The following DIO1 variants were observed in gnomAD, a reference collection of about 807,000 sequenced individuals.
The protein encoded by DIO1 is iodothyronine deiodinase 1.
In DIO1, 17 loss-of-function variants were observed where a neutral mutation model predicts 25.9. The observed-to-expected ratio is 0.66, with a 90% CI of 0.45 to 0.98. The LOEUF is 0.98. Among genes scored for constraint, DIO1 ranks in the 50% least tolerant of loss-of-function variants. The pLI, the probability that DIO1 is intolerant of heterozygous loss-of-function variation, is 0.00. For synonymous variants in DIO1, 115 were observed against 114.0 expected, an observed-to-expected ratio of 1.01 and a Z score of -0.05; for missense variants, 270 against 310.4, an observed-to-expected ratio of 0.87 and a Z score of 0.98.
At chr1:53,900,523 G>A (rs1651304554) in intron 1 of DIO1, among the ~76,000 whole-genome samples, 1 of 152,178 alleles carries the variant, frequency 6.6e-6, no homozygotes, top group Non-Finnish European at 1.5e-5. Flanking sequence ...AGAATTCCTT[G>A]AACTTGGGAG....
chr1:53,907,802 T>C (rs1035839475), intron 3 of DIO1, among the ~76,000 whole-genome samples: 11 of 149,652 alleles, frequency 7.4e-5, no homozygotes, highest in African/African-American at 2.7e-4. Flanking sequence ...TCCCAGCTAC[T>C]TGAGAGGCTG....
chr1:53,900,560 C>T (rs1366771865), intron 1 of DIO1, among the ~76,000 whole-genome samples: 2 of 152,056 alleles, frequency 1.3e-5, no homozygotes, highest in African/African-American at 2.4e-5. Flanking sequence ...GCTGAGATCA[C>T]GTTTTTGCAC....
intron 1 of DIO1, among the ~76,000 whole-genome samples, chr1:53,900,771 C>T (rs890064310): frequency 1.3e-5 from 2 of 152,126 alleles, no homozygotes; most frequent in South Asian, 2.1e-4. Context: ...CTGCCTTCTC[C>T]CCAGCTCCAC....
At chr1:53,906,507 T>C (rs1012620115) in intron 3 of DIO1, among the ~76,000 whole-genome samples, 2 of 152,186 alleles carry the variant, frequency 1.3e-5, no homozygotes, top group African/African-American at 2.4e-5. Flanking sequence ...TCACGGGGGA[T>C]GAAATAATGC....
intron 3 of DIO1, among the ~76,000 whole-genome samples, chr1:53,909,190 C>T (rs1365778365): frequency 6.6e-6 from 1 of 151,394 alleles, no homozygotes; most frequent in Non-Finnish European, 1.5e-5. Context: ...CCAAGGCGGG[C>T]AGGTCACTTG....
chr1:53,894,354 G>C lies in DIO1; in HGVS notation c.144G>C (p.Thr48=). 6.2e-7 allele frequency: 1 copy of C among 1,614,220 alleles called. No homozygotes were observed. ...ACATCCTGGCCATGGGCGAGAAGAC[G>C]GGTATGACCAGGAACCCCCATTTCA... ...KRNILAMGEK[T]GMTRNPHFSH... Residue 48 remains threonine (T), a synonymous_variant, in exon 1 of 4, where the codon ACG becomes ACC. Coordinates refer to ENST00000361921, the MANE Select transcript of DIO1 (RefSeq NM_000792.7). This position sits in a 1 kb window ranked among gnomAD's most constrained non-coding sequence, Gnocchi z 4.9.
intron 1 of DIO1, among the ~76,000 whole-genome samples, chr1:53,899,396 G>A (rs1651243466): frequency 1.3e-5 from 2 of 152,158 alleles, no homozygotes; most frequent in Admixed American, 6.5e-5. Flanking sequence ...CTGGATTCTC[G>A]AAATGGTGTT....
At chr1:53,905,004 G>A (rs1651575719) in intron 2 of DIO1, 195 bp downstream of exon 2, 1 of 544,520 alleles carries the variant, frequency 1.8e-6, no homozygotes, top group Non-Finnish European at 3.2e-6. Context: ...TTCAACCAGG[G>A]TACAGAGAGC....
chr1:53,894,493 T>C lies in DIO1; in HGVS notation c.283T>C (p.Cys95Arg). 6 of 1,614,198 alleles carry C rather than the reference T, an allele frequency of 3.7e-6. No individual in the cohort carries two copies. The highest frequency in any genetic ancestry group is 5.1e-6 in the Non-Finnish European group (6 of 1,180,036). ...TTELGGLAPN[C>R]PVVRLSGQRC... ...TGAGCTAGGGGGTCTGGCCCCAAAC[T>C]GCCCGGTGGTCCGCCTCTCAGGACA... is the stretch of plus-strand genomic sequence containing the variant. The change falls in exon 1 of 4, where the codon TGC becomes CGC. Residue 95 changes from cysteine to arginine, a missense_variant. Coordinates refer to ENST00000361921, the MANE Select transcript of DIO1 (RefSeq NM_000792.7). This position sits in a 1 kb window ranked among gnomAD's most constrained non-coding sequence, Gnocchi z 4.9.
intron 1 of DIO1, among the ~76,000 whole-genome samples, chr1:53,898,962 T>A (rs1651222772): frequency 6.6e-6 from 1 of 152,090 alleles, no homozygotes; most frequent in African/African-American, 2.4e-5. Flanking sequence ...CACAGTGAGT[T>A]CTTAGAAGAG....
rs945165161 is a variant in DIO1 at position 53,894,637 on chromosome 1, T to A, written c.337+90T>A. ...TGGGTTGGAAAGTCCTGAATTCTCC[T>A]ACTACTTTTGCTGCTCCTTTTGGAC... On this transcript the variant is annotated intron_variant, in intron 1 of 3. Coordinates refer to ENST00000361921, the MANE Select transcript of DIO1 (RefSeq NM_000792.7). This position sits in a 1 kb window ranked among gnomAD's most constrained non-coding sequence, Gnocchi z 4.9. 1.5e-5 allele frequency: 19 copies of A among 1,242,448 alleles called. No individual in the cohort carries two copies. In the African/African-American group the frequency reaches 2.9e-4, roughly 19 times the overall value. The allele number at this position is 1,242,448 out of a possible 1,614,324, so 77.0% of individuals were successfully genotyped here.
At chr1:53,908,998 G>A (rs2100784276) in intron 3 of DIO1, among the ~76,000 whole-genome samples, 1 of 152,040 alleles carries the variant, frequency 6.6e-6, no homozygotes, top group South Asian at 2.1e-4. Context: ...TGAGGCTGAG[G>A]CACGAGAATT....
intron 1 of DIO1, among the ~76,000 whole-genome samples, chr1:53,895,296 A>C (rs1448231447): frequency 2.0e-5 from 3 of 152,080 alleles, no homozygotes; most frequent in Non-Finnish European, 4.4e-5. Flanking sequence ...GGTGGTGTGC[A>C]CCTGTAATCC....
chr1:53,904,563 G>GA (rs1418389453), intron 1 of DIO1, 103 bp from the exon 2 acceptor site: 5 of 1,390,972 alleles, frequency 3.6e-6, no homozygotes, highest in Non-Finnish European at 3.9e-6. Context: ...GTGGGGGGTA[G>GA]GGGGAAATAA....
chr1:53,897,474 T>TTAAAATAAAA (rs1030737170), intron 1 of DIO1, among the ~76,000 whole-genome samples: 1 of 148,122 alleles, frequency 6.8e-6, no homozygotes, highest in African/African-American at 2.5e-5. Context: ...AGACTCTGTC[T>TTAAAATAAAA]TAAAATAAAA....
In DIO1 at chr1:53,894,791, G is replaced by A. The variant is rs1245931122; in HGVS notation, c.337+244G>A. ...CTGGCATTTCAGCCCCTGGAACACT[G>A]CTCTTACTGTACAGGCTGATCTGCC... On this transcript the variant is annotated intron_variant, in intron 1 of 3. Transcript: ENST00000361921. This position sits in a 1 kb window ranked among gnomAD's most constrained non-coding sequence, Gnocchi z 4.9. Among the ~76,000 whole-genome samples, 1 of 152,084 alleles carries A rather than the reference G, an allele frequency of 6.6e-6. No homozygotes were observed. The highest frequency in any genetic ancestry group is 6.5e-5 in the Admixed American group (1 of 15,272).
intron 1 of DIO1, among the ~76,000 whole-genome samples, chr1:53,898,941 G>A (rs1045828039): frequency 1.3e-5 from 2 of 152,060 alleles, no homozygotes; most frequent in East Asian, 1.9e-4. Context: ...TGAATGACTC[G>A]CTTAGAGTCA....
Position 53,904,682 on chromosome 1 carries a change from G to A in DIO1, c.354G>A (p.Val118=), listed in dbSNP as rs1651553024. 6.2e-7 allele frequency: 1 copy of A among 1,613,638 alleles called. No individual in the cohort carries two copies. The highest frequency in any genetic ancestry group is 2.2e-5 in the East Asian group (1 of 44,872). The part of the protein sequence containing the change: ...WEFMQGNRPL[V]LNFGSCTUPS... ...CTGTTTCAGGTAATAGGCCACTGGT[G>A]CTGAATTTTGGAAGTTGTACCTGAC... The change falls in exon 2 of 4, where the codon GTG becomes GTA. Residue 118 remains valine (V), a synonymous_variant. Transcript: ENST00000361921.
chr1:53,895,364 AGT>A (rs1651018774), intron 1 of DIO1, among the ~76,000 whole-genome samples: 1 of 152,208 alleles, frequency 6.6e-6, no homozygotes, highest in Non-Finnish European at 1.5e-5. Flanking sequence ...CGGAGATTGC[AGT>A]GAGTCAAGAT....
Sources: gnomAD v4.1 joint callset for allele counts (sites outside exome capture counted in the v4.1 genomes callset) on GRCh38, gnomAD v4.1.1 for gene constraint, Gnocchi (gnomAD v3.1) non-coding constraint, MANE v1.5 for transcripts, NCBI Gene and HGNC (gene_info 2026-07-23, HGNC 2026-07-21) for gene names.